USH1C: variants seen among roughly 807,000 people sequenced by gnomAD.
USH1C encodes harmonin.
Under a neutral mutation model 119.3 loss-of-function variants are expected in USH1C, and 90 were observed. The ratio of observed to expected loss-of-function variants is 0.75; its 90% confidence interval spans 0.64 to 0.90. USH1C has a LOEUF of 0.90. Among genes scored for constraint, USH1C ranks in the 40% least tolerant of loss-of-function variants. USH1C has a pLI of 0.00. For missense variants in USH1C, 1,165 were observed against 1,167.7 expected (o/e 1.00, Z 0.03); for synonymous variants, 465 against 443.3 (o/e 1.05, Z -0.62).
At position 17,512,059 on chromosome 11, in the gene USH1C, G is replaced by C. The variant is rs369670431; in HGVS notation, c.1261-5C>G. 1 of 1,614,006 alleles carries C rather than the reference G, an allele frequency of 6.2e-7. No individual in the cohort carries two copies. Among genetic ancestry groups the C allele is most frequent in the Non-Finnish European group, 8.5e-7 (1 of 1,179,990 alleles). ...TTTCTTCTTATCTTTTCCTTTCTGAGTAGATGTGGCATTGTTTATATGACA... is the reference window on the plus strand; with the variant it reads ...TTTCTTCTTATCTTTTCCTTTCTGACTAGATGTGGCATTGTTTATATGACA... On this transcript the variant is annotated splice_region_variant and splice_polypyrimidine_tract_variant and intron_variant, in intron 15 of 26. Transcript: ENST00000005226.
intron 22 of USH1C, 144 bp downstream of exon 22, chr11:17,501,338 G>A (rs1382514582): frequency 2.7e-6 from 3 of 1,110,898 alleles, no homozygotes; most frequent in Non-Finnish European, 4.0e-6. Flanking sequence ...TACAACAGAG[G>A]GGCGTCTCCG....
rs142523327 is a variant in USH1C, at chr11:17,505,911, G to C, written c.2052C>G (p.Gly684=). Residue 684 remains glycine, a synonymous_variant, in exon 19 of 27, where the codon GGC becomes GGG. Transcript: ENST00000005226. ...TGACAGGTTTGGAGATGGTGGACAC[G>C]CCAGGGCCTCGTGGAGGCTGTGGGC... ...CPSPQPPRGP[G]VSTISKPVMV... is the part of the protein sequence containing the mutation. 37 of 1,614,226 alleles carry C rather than the reference G, an allele frequency of 2.3e-5. No individual in the cohort carries two copies. The highest frequency in any genetic ancestry group is 3.1e-5 in the Non-Finnish European group (37 of 1,180,032).
chr11:17,499,300 A>G (rs1335260700), intron 23 of USH1C, among the ~76,000 whole-genome samples: 1 of 152,250 alleles, frequency 6.6e-6, no homozygotes, highest in East Asian at 1.9e-4. Flanking sequence ...AATGGTGGCC[A>G]TGGTGGCTTA....
intron 26 of USH1C, 73 bp from the exon 27 acceptor site, chr11:17,494,449 C>T (rs1275365331): frequency 2.0e-6 from 3 of 1,518,724 alleles, no homozygotes; most frequent in African/African-American, 1.4e-5. Context: ...CAGAGCAAGG[C>T]CCCACAAGGG....
chr11:17,519,739 G>A (rs1442683083), intron 14 of USH1C, among the ~76,000 whole-genome samples: 9 of 152,210 alleles, frequency 5.9e-5, no homozygotes, highest in Admixed American at 5.9e-4. Flanking sequence ...ACCAGGAGAT[G>A]ACACTGCCCT....
chr11:17,508,301 G>C (rs1010073120), intron 18 of USH1C, among the ~76,000 whole-genome samples: 1 of 152,186 alleles, frequency 6.6e-6, no homozygotes, highest in African/African-American at 2.4e-5. Context: ...AGAGTCTCCC[G>C]CTGGAAGCTT....
intron 23 of USH1C, among the ~76,000 whole-genome samples, 173 bp downstream of exon 23, chr11:17,500,878 G>A (rs777390480): frequency 2.0e-5 from 3 of 152,166 alleles, no homozygotes; most frequent in South Asian, 2.1e-4. Flanking sequence ...AGGTCCCGGC[G>A]CCATCCCATG....
chr11:17,526,881 G>C (rs1450389020), intron 6 of USH1C, 71 bp from the exon 7 acceptor site: 3 of 1,592,198 alleles, frequency 1.9e-6, no homozygotes, highest in African/African-American at 2.7e-5. Flanking sequence ...CCCACATCCA[G>C]ATCCACCATG....
At chr11:17,532,172 G>A (rs1851018202) in intron 2 of USH1C, among the ~76,000 whole-genome samples, 1 of 152,074 alleles carries the variant, frequency 6.6e-6, no homozygotes, top group South Asian at 2.1e-4. Context: ...GCCCTCCCAA[G>A]TCCTACTCCC....
intron 14 of USH1C, chr11:17,516,517 C>T: frequency 1.7e-6 from 1 of 574,090 alleles, no homozygotes; most frequent in South Asian, 1.9e-5. Context: ...GTTCCCAGGC[C>T]CTGGGTCACT....
At chr11:17,496,878 C>A in intron 24 of USH1C, 65 bp from the exon 25 acceptor site, 2 of 1,589,952 alleles carry the variant, frequency 1.3e-6, no homozygotes, top group South Asian at 2.2e-5. Context: ...CCCCGGCACT[C>A]CATCCCCATT....
chr11:17,506,538 C>T (rs1849655856), intron 18 of USH1C, among the ~76,000 whole-genome samples: 1 of 152,244 alleles, frequency 6.6e-6, no homozygotes, highest in Non-Finnish European at 1.5e-5. Flanking sequence ...GACTACTGAG[C>T]TCATTGGCTT....
At chr11:17,498,918 C>G (rs1300851722) in intron 23 of USH1C, among the ~76,000 whole-genome samples, 1 of 152,184 alleles carries the variant, frequency 6.6e-6, no homozygotes, top group Non-Finnish European at 1.5e-5. Flanking sequence ...CATAATATCC[C>G]CAGCACTTAA....
chr11:17,521,452 A>G, intron 12 of USH1C, 41 bp from the exon 13 acceptor site: 1 of 1,593,074 alleles, frequency 6.3e-7, no homozygotes. Context: ...GCCCTATGCA[A>G]GAGAAATGAA....
Position 17,494,356 on chromosome 11 carries a change from T to G in USH1C, c.2676A>C (p.Lys892Asn). ...LEPTDLLLKS[K>N]RGNQIHR ...CCTAACGGTGAATTTGGTTTCCCCT[T>G]TTGGACTTCAGAAGAAGGTCCTGCA... Residue 892 changes from lysine (K) to asparagine (N), a missense_variant, in exon 27 of 27, where the codon AAA (lysine) becomes AAC (asparagine). Coordinates refer to ENST00000005226, the MANE Select transcript of USH1C (RefSeq NM_153676.4). 1 of 1,605,800 alleles carries G rather than the reference T, an allele frequency of 6.2e-7. No homozygotes were observed. Among genetic ancestry groups the G allele is most frequent in the Admixed American group, 1.7e-5 (1 of 59,138 alleles).
At chr11:17,527,374 A>G in intron 4 of USH1C, 43 bp from the exon 5 acceptor site, 1 of 1,494,716 alleles carries the variant, frequency 6.7e-7, no homozygotes, top group Non-Finnish European at 9.3e-7. Flanking sequence ...TGGAGGGAGC[A>G]TCAGGCAGTG....
chr11:17,521,501 G>A, intron 12 of USH1C, 90 bp from the exon 13 acceptor site: 4 of 1,423,616 alleles, frequency 2.8e-6, no homozygotes, highest in Non-Finnish European at 4.0e-6. Flanking sequence ...GAGAAAAGTT[G>A]GATTTTTCTC....
chr11:17,501,291 C>T, intron 22 of USH1C, 141 bp from the exon 23 acceptor site: 1 of 1,038,716 alleles, frequency 9.6e-7, no homozygotes, highest in East Asian at 2.6e-5. Flanking sequence ...GGAGAAAACG[C>T]AGCCTTGGTG....
chr11:17,527,073 T>TCGCCC, intron 5 of USH1C, 33 bp from the exon 6 acceptor site: 1 of 1,505,068 alleles, frequency 6.6e-7, no homozygotes, highest in Non-Finnish European at 8.8e-7. Context: ...TTAGGACAGC[T>TCGCCC]CCCCCGCCCT....
Sources: allele counts gnomAD v4.1 joint callset (sites outside exome capture counted in the v4.1 genomes callset), GRCh38; gene constraint gnomAD v4.1.1; transcripts MANE v1.5; gene names NCBI Gene and HGNC (gene_info 2026-07-23, HGNC 2026-07-21).